RAD51B: variants seen among roughly 807,000 people sequenced by gnomAD.
The protein encoded by RAD51B is RAD51 paralog B.
In RAD51B, 38 loss-of-function variants were observed where a neutral mutation model predicts 42.2. The ratio of observed to expected loss-of-function variants is 0.90; its 90% CI spans 0.70 to 1.18. RAD51B has a LOEUF of 1.18. RAD51B is among the 50% of genes most tolerant of loss of function. The pLI, the probability that RAD51B is intolerant of heterozygous loss-of-function variation, is 0.00. For synonymous variants in RAD51B, 154 were observed against 145.2 expected (o/e 1.06, Z -0.43); for missense variants, 373 against 400.7 (o/e 0.93, Z 0.59).
intron 7 of RAD51B, among the ~76,000 whole-genome samples, chr14:68,246,161 C>A (rs1396750401): frequency 6.6e-6 from 1 of 152,064 alleles, no homozygotes; most frequent in African/African-American, 2.4e-5. Flanking sequence ...ACTCCCTGGA[C>A]AGAAGTACGT....
chr14:67,827,534 G>T (rs2040875576), intron 3 of RAD51B, among the ~76,000 whole-genome samples: 1 of 151,916 alleles, frequency 6.6e-6, no homozygotes, highest in Admixed American at 6.6e-5. Context: ...TGTTACATAG[G>T]TAAATGTGTG....
intron 7 of RAD51B, among the ~76,000 whole-genome samples, chr14:67,909,758 A>T (rs2043904900): frequency 6.6e-6 from 1 of 152,178 alleles, no homozygotes; most frequent in South Asian, 2.1e-4. Context: ...GGCTCACTGC[A>T]GCCTTCACCT....
chr14:68,068,857 G>A (rs73284288), intron 7 of RAD51B, among the ~76,000 whole-genome samples: 3,829 of 152,172 alleles, frequency 0.025, 165 homozygotes, highest in African/African-American at 0.087. Context: ...TGGGAATAGA[G>A]AAAATTAAAA....
chr14:68,587,839 C>T (rs1160875066), intron 10 of RAD51B, among the ~76,000 whole-genome samples: 1 of 152,216 alleles, frequency 6.6e-6, no homozygotes, highest in Admixed American at 6.5e-5. Context: ...GGCTTTTGGT[C>T]AGTTCTGGCA....
intron 8 of RAD51B, among the ~76,000 whole-genome samples, chr14:68,321,922 T>C (rs1343242418): frequency 6.6e-6 from 1 of 152,014 alleles, no homozygotes; most frequent in East Asian, 1.9e-4. Context: ...CCTGAGTAGC[T>C]GGGACCACAC....
rs774072112 is a variant in RAD51B, at chr14:67,971,576, T to C, written c.756+84372T>C. Among the ~76,000 whole-genome samples, 100 of 151,978 alleles carry C rather than the reference T, an allele frequency of 6.6e-4. 1 individual carries two copies. Among genetic ancestry groups the C allele is most frequent in the Non-Finnish European group, 1.1e-3 (74 of 67,950 alleles). ...GACAGTTTAATAGTATTTTAGAAAATGTGGAAAATGGAAAGATGGGAATGA... is the reference window on the plus strand; with the variant it reads ...GACAGTTTAATAGTATTTTAGAAAACGTGGAAAATGGAAAGATGGGAATGA... On this transcript the variant is annotated intron_variant, in intron 7 of 10. Coordinates refer to ENST00000471583, the MANE Select transcript of RAD51B (RefSeq NM_133510.4).
intron 2 of RAD51B, 88 bp from the exon 3 acceptor site, chr14:67,825,376 A>G (rs1594958155): frequency 3.7e-6 from 3 of 813,024 alleles, no homozygotes; most frequent in East Asian, 2.6e-5. Context: ...TTTTGTCTAC[A>G]TAAGCAGTAT....
chr14:68,595,580 A>T (rs1890959532), exon 11 of RAD51B: 1 of 1,066,680 alleles, frequency 9.4e-7, no homozygotes, highest in Non-Finnish European at 1.1e-6. Context: ...TAAGTGACTT[A>T]TGACCAGAAC....
chr14:68,431,359 C>A (rs201378298), intron 9 of RAD51B, among the ~76,000 whole-genome samples: 10 of 151,836 alleles, frequency 6.6e-5, no homozygotes, highest in Non-Finnish European at 1.3e-4. Flanking sequence ...TGGTAGAATT[C>A]GGCTGTGAAT....
intron 7 of RAD51B, among the ~76,000 whole-genome samples, chr14:68,080,935 A>G (rs2076903953): frequency 6.6e-6 from 1 of 152,228 alleles, no homozygotes; most frequent in African/African-American, 2.4e-5. Context: ...TTCACTGAAG[A>G]TCAGAGCCAA....
At chr14:67,929,817 T>G (rs2044659906) in intron 7 of RAD51B, among the ~76,000 whole-genome samples, 1 of 151,600 alleles carries the variant, frequency 6.6e-6, no homozygotes, top group Non-Finnish European at 1.5e-5. Flanking sequence ...TTTTTTGTGT[T>G]TTTTTGTTTT....
chr14:67,919,521 T>C (rs2044255983), intron 7 of RAD51B, among the ~76,000 whole-genome samples: 1 of 152,186 alleles, frequency 6.6e-6, no homozygotes, highest in Non-Finnish European at 1.5e-5. Context: ...TCCATATATT[T>C]ACCTTTCCAC....
chr14:68,447,747 C>T (rs1285340695), intron 9 of RAD51B, among the ~76,000 whole-genome samples: 1 of 151,142 alleles, frequency 6.6e-6, no homozygotes, highest in Non-Finnish European at 1.5e-5. Flanking sequence ...TTTTTTTAAA[C>T]CACATATTAA....
chr14:67,962,509 C>A (rs988667308), intron 7 of RAD51B, among the ~76,000 whole-genome samples: 1 of 152,084 alleles, frequency 6.6e-6, no homozygotes, highest in African/African-American at 2.4e-5. Context: ...TTAGACTGGC[C>A]TCAGACTTCA....
chr14:68,258,328 A>G (rs1267713420), intron 7 of RAD51B, among the ~76,000 whole-genome samples: 1 of 151,720 alleles, frequency 6.6e-6, no homozygotes, highest in Non-Finnish European at 1.5e-5. Context: ...TTGAGCCTGC[A>G]AGGTTGAGGT....
intron 7 of RAD51B, chr14:68,069,768 T>C (rs1207281991): frequency 2.0e-5 from 3 of 152,164 alleles, no homozygotes; most frequent in African/African-American, 7.2e-5. Context: ...GTCTTTATGG[T>C]AGAATGATTT....
intron 8 of RAD51B, among the ~76,000 whole-genome samples, chr14:68,375,186 T>C (rs547532733): frequency 1.8e-4 from 28 of 152,182 alleles, no homozygotes; most frequent in African/African-American, 6.5e-4. Context: ...GGAGCCAGGG[T>C]GTGAGGATGT....
intron 11 of RAD51B, among the ~76,000 whole-genome samples, chr14:68,661,616 G>A (rs1029049317): frequency 6.6e-6 from 1 of 152,222 alleles, no homozygotes; most frequent in African/African-American, 2.4e-5. Flanking sequence ...ACTCCATCAT[G>A]GGTTGGTATG....
In RAD51B at chr14:68,363,674, A is replaced by G. The variant is rs536083629; in HGVS notation, c.854-47750A>G. The stretch of plus-strand genomic sequence containing the variant: ...GCTCAAGGAGGAGGGTTGGGCCGGT[A>G]TCATCTCTGAAGGTAAAATGCATAC... On this transcript the variant is annotated intron_variant, in intron 8 of 10. Coordinates refer to ENST00000471583, the MANE Select transcript of RAD51B (RefSeq NM_133510.4). Among the ~76,000 whole-genome samples the G allele has an allele frequency of 2.6e-5, 4 of 152,312 alleles. No homozygotes were observed. The South Asian group carries it at 8.3e-4, about 32-fold the overall frequency.
Sources: gnomAD v4.1 joint callset for allele counts (sites outside exome capture counted in the v4.1 genomes callset) on GRCh38, gnomAD v4.1.1 for gene constraint, MANE v1.5 for transcripts, NCBI Gene and HGNC (gene_info 2026-07-23, HGNC 2026-07-21) for gene names.